Variants in UBE3C observed in about 807,000 individuals in gnomAD.
The protein encoded by UBE3C is ubiquitin-protein ligase E3C.
UBE3C carries 42 observed loss-of-function variants against 129.4 expected under a neutral mutation model. That is an observed-to-expected ratio of 0.32 (90% CI 0.25 to 0.42). The LOEUF is 0.42. Ranked by LOEUF, UBE3C falls within the 10% of genes least tolerant of loss-of-function variation. The pLI is 1.00. For missense variants in UBE3C, 1,049 were observed against 1,319.1 expected, an observed-to-expected ratio of 0.80 and a Z score of 3.17; for synonymous variants, 510 against 492.4, an observed-to-expected ratio of 1.04 and a Z score of -0.47.
At chr7:157,204,054 C>T (rs958734099) in intron 11 of UBE3C, among the ~76,000 whole-genome samples, 5 of 152,114 alleles carry the variant, frequency 3.3e-5, no homozygotes, top group African/African-American at 1.2e-4. Context: ...AGCGTAAAAA[C>T]AGAATGGTTT....
rs1275506139 is a variant in UBE3C, at chr7:157,186,958, C to A, written c.1268C>A (p.Thr423Asn). 1 of 1,613,534 alleles carries A rather than the reference C, an allele frequency of 6.2e-7. No individual in the cohort carries two copies. Among genetic ancestry groups the A allele is most frequent in the African/African-American group, 1.3e-5 (1 of 75,020 alleles). The stretch of plus-strand genomic sequence containing the variant: ...GACTCTGCGAGCGAGGAGGTCTTCA[C>A]CACCATGGCCTCCGTCTGCCACACG... ...WRDSASEEVF[T>N]TMASVCHTLM... The change falls in exon 10 of 23, where the codon ACC (threonine) becomes AAC (asparagine). Residue 423 changes from threonine to asparagine, a missense_variant. Physicochemically the swap from Thr to Asn is moderately conservative, Grantham distance 65. Transcript: ENST00000348165.
intron 1 of UBE3C, 59 bp downstream of exon 1, chr7:157,139,397 G>A: frequency 2.0e-6 from 3 of 1,485,256 alleles, no homozygotes. Context: ...GGGGCTCGGG[G>A]CTGGGACTCG....
rs139778388 is a variant in UBE3C, at chr7:157,246,567, A to G, written c.2482-1801A>G. Among the ~76,000 whole-genome samples, 826 of 152,298 alleles carry G rather than the reference A, an allele frequency of 5.4e-3. 5 individuals carry two copies. Among genetic ancestry groups the G allele is most frequent in the Non-Finnish European group, 9.2e-3 (625 of 68,010 alleles). On this transcript the variant is annotated intron_variant, in intron 18 of 22. Coordinates refer to ENST00000348165, the MANE Select transcript of UBE3C (RefSeq NM_014671.3). ...CCCTGGGTAGCACCATAGCACTTGA[A>G]TCTTAAAACAGTAGGATAAAGAGGG...
chr7:157,206,967 C>T (rs1000208140), intron 11 of UBE3C, among the ~76,000 whole-genome samples: 2 of 152,136 alleles, frequency 1.3e-5, no homozygotes, highest in Non-Finnish European at 2.9e-5. Context: ...AAAGTTAAGT[C>T]GCTGGATAAA....
chr7:157,254,388 T>A, intron 21 of UBE3C, 78 bp downstream of exon 21: 1 of 675,724 alleles, frequency 1.5e-6, no homozygotes, highest in Non-Finnish European at 1.8e-6. Context: ...TATTTTATTT[T>A]AATTAATTTA....
chr7:157,207,910 A>G lies in UBE3C; in HGVS notation c.1784A>G (p.Gln595Arg), dbSNP rs372311235. The G allele has an allele frequency of 6.3e-7, 1 of 1,597,434 alleles. No individual in the cohort carries two copies. Among genetic ancestry groups the G allele is most frequent in the Non-Finnish European group, 8.5e-7 (1 of 1,173,592 alleles). Reference protein sequence around the residue: ...SEMQQCIQMEQKRWIQLFKVI... With the variant: ...SEMQQCIQMERKRWIQLFKVI... ...ATGCAACAATGCATACAGATGGAAC[A>G]GAAAAGATGGATTCAGTTATTTAAG... Residue 595 changes from glutamine (Q) to arginine (R), a missense_variant, in exon 13 of 23, where the codon CAG becomes CGG. Physicochemically the swap from Gln to Arg is conservative, Grantham distance 43 (BLOSUM62 1). Around this residue, in one of 4 missense-constraint regions of UBE3C, gnomAD observed 314 missense variants for 416.9 expected, o/e 0.75. Transcript: ENST00000348165.
At chr7:157,167,260 C>T (rs147861257) in intron 2 of UBE3C, among the ~76,000 whole-genome samples, 1 of 152,032 alleles carries the variant, frequency 6.6e-6, no homozygotes, top group Non-Finnish European at 1.5e-5. Flanking sequence ...CCATTTCAAG[C>T]CCAGGAACTA....
chr7:157,260,840 T>C (rs778987715), intron 22 of UBE3C, among the ~76,000 whole-genome samples: 48 of 152,200 alleles, frequency 3.2e-4, no homozygotes, highest in Admixed American at 1.2e-3. Context: ...ACGTAGGTTC[T>C]AGACATTCTG....
chr7:157,206,184 G>T (rs1272292874), intron 11 of UBE3C, among the ~76,000 whole-genome samples: 1 of 152,318 alleles, frequency 6.6e-6, no homozygotes, highest in East Asian at 1.9e-4. Flanking sequence ...CATAAGACAA[G>T]GAACCAGACT....
intron 9 of UBE3C, among the ~76,000 whole-genome samples, chr7:157,184,793 A>G (rs1020344386): frequency 6.6e-6 from 1 of 152,228 alleles, no homozygotes; most frequent in Non-Finnish European, 1.5e-5. Context: ...CTAGTATCGA[A>G]TGAAAGAGAT....
intron 18 of UBE3C, among the ~76,000 whole-genome samples, chr7:157,243,607 T>C (rs970249910): frequency 2.0e-5 from 3 of 152,152 alleles, no homozygotes; most frequent in African/African-American, 7.2e-5. Flanking sequence ...CTGCTGTTCC[T>C]GCATGTGAGG....
intron 1 of UBE3C, among the ~76,000 whole-genome samples, chr7:157,148,920 C>T (rs1364435211): frequency 6.6e-6 from 1 of 152,014 alleles, no homozygotes; most frequent in African/African-American, 2.4e-5. Context: ...CCCAGCCTGG[C>T]TCTGAAAATG....
chr7:157,207,783 T>A lies in UBE3C; in HGVS notation c.1657T>A (p.Cys553Ser). ...GTTGTCTCGATGCCTTCGAGATGCA[T>A]GCCTGGGGATCATCAAGTTGGCTTA... ...IMLSRCLRDA[C>S]LGIIKLAYPE... is the part of the protein sequence containing the mutation. Residue 553 changes from cysteine to serine, a missense_variant, in exon 13 of 23, where the codon TGC becomes AGC. Cys to Ser is a moderately radical substitution (Grantham distance 112). Coordinates refer to ENST00000348165, the MANE Select transcript of UBE3C (RefSeq NM_014671.3). 6.2e-7 allele frequency: 1 copy of A among 1,614,196 alleles called. No individual in the cohort carries two copies. Among genetic ancestry groups the A allele is most frequent in the East Asian group, 2.2e-5 (1 of 44,888 alleles).
intron 19 of UBE3C, among the ~76,000 whole-genome samples, chr7:157,249,409 G>A (rs940610861): frequency 1.3e-5 from 2 of 150,958 alleles, no homozygotes; most frequent in Non-Finnish European, 2.9e-5. Context: ...TCCACCTCCC[G>A]GGTTCAAGTG....
chr7:157,234,065 A>C (rs1459240331), intron 18 of UBE3C, among the ~76,000 whole-genome samples: 1 of 152,250 alleles, frequency 6.6e-6, no homozygotes, highest in South Asian at 2.1e-4. Context: ...GCAATGAATT[A>C]TGAAATTTAT....
intron 1 of UBE3C, among the ~76,000 whole-genome samples, chr7:157,159,080 G>A (rs189830583): frequency 3.2e-4 from 49 of 152,244 alleles, no homozygotes; most frequent in African/African-American, 1.0e-3. Context: ...AGTCATGGGC[G>A]GTAACTACCA....
intron 4 of UBE3C, among the ~76,000 whole-genome samples, chr7:157,171,709 T>C (rs1488536171): frequency 1.8e-5 from 1 of 56,422 alleles, no homozygotes; most frequent in Non-Finnish European, 3.0e-5. Context: ...TTTTTTTTTT[T>C]TTTTTTTTTT....
chr7:157,218,456 A>T (rs1015873335), intron 14 of UBE3C, among the ~76,000 whole-genome samples: 4 of 147,102 alleles, frequency 2.7e-5, no homozygotes, highest in East Asian at 2.0e-4. Flanking sequence ...CTCAAAAAAT[A>T]AAAAAAAAAA....
intron 11 of UBE3C, 41 bp downstream of exon 11, chr7:157,201,848 A>T (rs1258405344): frequency 4.0e-6 from 6 of 1,517,006 alleles, no homozygotes; most frequent in East Asian, 2.3e-5. Flanking sequence ...TCAAGGGCAC[A>T]GGAAGTGGCA....
Sources: allele counts gnomAD v4.1 joint callset (sites outside exome capture counted in the v4.1 genomes callset), GRCh38; gene constraint gnomAD v4.1.1; regional missense constraint gnomAD v4.1.1; transcripts MANE v1.5; gene names NCBI Gene and HGNC (gene_info 2026-07-23, HGNC 2026-07-21).